Variants in SDK2 observed in about 807,000 individuals in gnomAD.
SDK2 encodes the protein protein sidekick-2.
Under a neutral mutation model 253.9 loss-of-function variants are expected in SDK2, and 105 were observed. The ratio of observed to expected loss-of-function variants is 0.41; its 90% CI spans 0.35 to 0.49. The LOEUF is 0.49. Among genes scored for constraint, SDK2 ranks in the 20% least tolerant of loss-of-function variants. The pLI is 0.06. For synonymous variants in SDK2, 1,249 were observed against 1,234.9 expected, an observed-to-expected ratio of 1.01 and a Z score of -0.24; for missense variants, 2,608 against 3,003.0, an observed-to-expected ratio of 0.87 and a Z score of 3.07.
intron 1 of SDK2, among the ~76,000 whole-genome samples, chr17:73,549,972 G>A (rs540481026): frequency 3.3e-5 from 5 of 152,194 alleles, no homozygotes; most frequent in African/African-American, 7.2e-5. Context: ...GGTGAGGACC[G>A]CCGGGGGTGC....
At chr17:73,564,172 G>A (rs1104785) in intron 1 of SDK2, among the ~76,000 whole-genome samples, 76,598 of 152,052 alleles carry the variant, frequency 0.5, 19,358 homozygotes, top group South Asian at 0.55. Context: ...AGAGCTGTTC[G>A]ATACGGTAAC....
At chr17:73,375,114 T>C (rs2062766757) in intron 36 of SDK2, among the ~76,000 whole-genome samples, 1 of 152,106 alleles carries the variant, frequency 6.6e-6, no homozygotes, top group Non-Finnish European at 1.5e-5. Flanking sequence ...AGTACCTGTC[T>C]ACCCTGAGAC....
chr17:73,482,361 C>T (rs373023585), intron 2 of SDK2, among the ~76,000 whole-genome samples: 4 of 152,274 alleles, frequency 2.6e-5, no homozygotes, highest in African/African-American at 4.8e-5. Flanking sequence ...TGTCTGAAAG[C>T]GGCTGCTCAG....
rs1599458234 is a variant in SDK2, at chr17:73,335,658, A to T, written c.*2929T>A. 6.6e-6 allele frequency: 1 copy of T among 152,138 alleles called. No individual in the cohort carries two copies. Among genetic ancestry groups the T allele is most frequent in the Non-Finnish European group, 1.5e-5 (1 of 68,044 alleles). 9.4% of individuals were successfully genotyped at this position (152,138 alleles called of 1,614,324 possible). ...TGAGTGGGTATTGACTAAGTGTGGG[A>T]CTTTCACCATGGGCCCAGCCTGATC... is the stretch of plus-strand genomic sequence containing the variant. On this transcript the variant is annotated 3_prime_UTR_variant, in exon 45 of 45. Coordinates refer to ENST00000392650, the MANE Select transcript of SDK2 (RefSeq NM_001144952.2).
intron 3 of SDK2, among the ~76,000 whole-genome samples, chr17:73,463,512 C>T (rs1352818246): frequency 1.3e-5 from 2 of 152,160 alleles, no homozygotes; most frequent in South Asian, 2.1e-4. Context: ...CAATACCTTT[C>T]CCCTACCCTG....
intron 1 of SDK2, among the ~76,000 whole-genome samples, chr17:73,598,901 T>C (rs2045797906): frequency 6.6e-6 from 1 of 152,230 alleles, no homozygotes; most frequent in Non-Finnish European, 1.5e-5. Context: ...AATGAATGGA[T>C]CAGGCACCAA....
intron 1 of SDK2, among the ~76,000 whole-genome samples, chr17:73,593,944 C>T (rs899408406): frequency 1.3e-5 from 2 of 152,300 alleles, no homozygotes; most frequent in African/African-American, 4.8e-5. Context: ...CTTTAATCCC[C>T]ACAGGGAATT....
chr17:73,472,279 G>T, intron 2 of SDK2, 61 bp from the exon 3 acceptor site: 1 of 1,294,940 alleles, frequency 7.7e-7, no homozygotes, highest in East Asian at 2.5e-5. Context: ...ACAGAGGTCA[G>T]ATTGGGCTCA....
chr17:73,350,724 A>T lies in SDK2; in HGVS notation c.5825T>A (p.Ile1942Asn). ...FLVVIALVGL[I>N]FILLLVFVLI... ...CACGAAGACCAGAAGCAGGATGAAG[A>T]TGAGGCCGACCAGGGCAATGACCAC... Residue 1942 changes from isoleucine to asparagine, a missense_variant, in exon 42 of 45, where the codon ATC becomes AAC. By Grantham distance (149) the Ile-to-Asn change is moderately radical. Around this residue, in one of 2 missense-constraint regions of SDK2, gnomAD observed 1,103 missense variants for 1,143.9 expected, o/e 0.96. Transcript: ENST00000392650. The T allele has an allele frequency of 6.2e-7, 1 of 1,613,672 alleles. No homozygotes were observed. The highest frequency in any genetic ancestry group is 1.1e-5 in the South Asian group (1 of 91,052).
chr17:73,627,412 T>A (rs140093174), intron 1 of SDK2, among the ~76,000 whole-genome samples: 1,840 of 152,336 alleles, frequency 0.012, 20 homozygotes, highest in Middle Eastern at 0.044. Flanking sequence ...AGACCGCATC[T>A]TTCAGCGACG....
In SDK2 at chr17:73,391,441, A is replaced by G; in HGVS notation, c.3996T>C (p.Leu1332=). 7.6e-7 allele frequency: 1 copy of G among 1,308,384 alleles called. No individual in the cohort carries two copies. The highest frequency in any genetic ancestry group is 9.8e-7 in the Non-Finnish European group (1 of 1,019,456). The allele number at this position is 1,308,384 out of a possible 1,614,324, so 81.0% of individuals were successfully genotyped here. ...QPPAAPNGII[L]AYQITHRLNT... is the part of the protein sequence containing the mutation. ...GGCACGGGAAGGGCAAAGGCTTACC[A>G]AGAATGATGCCATTGGGGGCGGCAG... is the stretch of plus-strand genomic sequence containing the variant. The change falls in exon 28 of 45, where the codon CTT becomes CTC. Residue 1332 remains leucine (L), a splice_region_variant and synonymous_variant. Transcript: ENST00000392650.
chr17:73,594,200 C>T (rs1392177236), intron 1 of SDK2, among the ~76,000 whole-genome samples: 1 of 152,148 alleles, frequency 6.6e-6, no homozygotes, highest in African/African-American at 2.4e-5. Context: ...AGCGGGAAGG[C>T]GGCATTGATG....
chr17:73,519,589 C>T (rs2064059524), intron 1 of SDK2: 1 of 152,218 alleles, frequency 6.6e-6, no homozygotes, highest in African/African-American at 2.4e-5. Flanking sequence ...TTAATCCTCC[C>T]AGCCTCCTTA....
intron 2 of SDK2, among the ~76,000 whole-genome samples, chr17:73,501,985 T>C (rs1038741855): frequency 6.6e-6 from 1 of 152,134 alleles, no homozygotes; most frequent in African/African-American, 2.4e-5. Flanking sequence ...GTCTATGCTC[T>C]TTTCACTCTG....
At chr17:73,452,831 C>T (rs924532205) in intron 4 of SDK2, among the ~76,000 whole-genome samples, 1 of 152,154 alleles carries the variant, frequency 6.6e-6, no homozygotes, top group Non-Finnish European at 1.5e-5. Context: ...AGAAAGGGAG[C>T]TGGGATGGGG....
Position 73,642,996 on chromosome 17 carries a change from T to C in SDK2, c.64+1029A>G, listed in dbSNP as rs1268538075. Reference sequence around the variant, plus strand: ...GAGAGTGAAGGCCTAGCCCTGCGAGTCCTGGAGCTCGGTCCAGGCTTCGTC... The same window carrying C: ...GAGAGTGAAGGCCTAGCCCTGCGAGCCCTGGAGCTCGGTCCAGGCTTCGTC... On this transcript the variant is annotated intron_variant, in intron 1 of 44. Coordinates refer to ENST00000392650, the MANE Select transcript of SDK2 (RefSeq NM_001144952.2). The surrounding 1 kb of genome is among the most constrained non-coding windows in gnomAD (Gnocchi z 4.7). 1 of 152,078 alleles carries C rather than the reference T, an allele frequency of 6.6e-6. No homozygotes were observed. Among genetic ancestry groups the C allele is most frequent in the African/African-American group, 2.4e-5 (1 of 41,362 alleles). The allele number at this position is 152,078 out of a possible 1,614,324, so 9.4% of individuals were successfully genotyped here.
chr17:73,613,576 A>G (rs2046005973), intron 1 of SDK2, among the ~76,000 whole-genome samples: 1 of 148,414 alleles, frequency 6.7e-6, no homozygotes, highest in African/African-American at 2.5e-5. Context: ...AATCGGAGCC[A>G]CTGTGCGGCC....
chr17:73,386,955 A>T (rs111730509), intron 30 of SDK2, among the ~76,000 whole-genome samples: 3,667 of 151,940 alleles, frequency 0.024, 149 homozygotes, highest in African/African-American at 0.084. Context: ...TTTGTTTGAG[A>T]TGGAGTCTTT....
At chr17:73,456,970 C>A (rs1262693598) in intron 3 of SDK2, among the ~76,000 whole-genome samples, 4 of 152,202 alleles carry the variant, frequency 2.6e-5, no homozygotes, top group Admixed American at 1.3e-4. Flanking sequence ...CACACCTGGG[C>A]ACCTGTCAGA....
Sources: gnomAD v4.1 joint callset for allele counts (sites outside exome capture counted in the v4.1 genomes callset) on GRCh38, gnomAD v4.1.1 for gene constraint, gnomAD v4.1.1 regional missense constraint, Gnocchi (gnomAD v3.1) non-coding constraint, MANE v1.5 for transcripts, NCBI Gene and HGNC (gene_info 2026-07-23, HGNC 2026-07-21) for gene names.